The following CD302 variants were observed in gnomAD, a reference collection of about 807,000 sequenced individuals.
The protein encoded by CD302 is CD302 molecule.
A neutral mutation model predicts 26.5 loss-of-function variants in CD302; 23 were observed. The observed-to-expected ratio is 0.87, with a 90% CI of 0.62 to 1.23. The LOEUF is 1.23. Among genes scored for constraint, CD302 ranks in the 50% most tolerant of loss-of-function variants. The probability of loss-of-function intolerance (pLI) is 0.00; values close to 1 mark genes in which losing one functional copy is unlikely to be tolerated. For missense variants in CD302, 290 were observed against 275.5 expected (o/e 1.05, Z -0.37); for synonymous variants, 90 against 99.4 (o/e 0.91, Z 0.56).
intron 5 of CD302, among the ~76,000 whole-genome samples, chr2:159,777,163 A>G (rs1708359843): frequency 6.6e-6 from 1 of 152,216 alleles, no homozygotes; most frequent in Non-Finnish European, 1.5e-5. Context: ...AGGTGGAAGT[A>G]TCGCTTGAGC....
In CD302 at chr2:159,768,942, A is replaced by C. The variant is rs1387945567; in HGVS notation, c.*2909T>G. ...GCACATAATTCTGTATAGTTTTGTT[A>C]TTAAATGCTAAATGACAGTGATAAC... On this transcript the variant is annotated 3_prime_UTR_variant, in exon 6 of 6. Transcript: ENST00000259053. 1 of 152,216 alleles carries C rather than the reference A, an allele frequency of 6.6e-6. No individual in the cohort carries two copies. The allele number at this position is 152,216 out of a possible 1,614,324, so 9.4% of individuals were successfully genotyped here. A position where few individuals can be genotyped will look rare whatever the true frequency, so the allele number is the denominator to read the frequency against.
At chr2:159,795,234 A>AAAAG (rs745329990) in intron 1 of CD302, among the ~76,000 whole-genome samples, 1 of 152,074 alleles carries the variant, frequency 6.6e-6, no homozygotes. Flanking sequence ...GAAAAAAAAA[A>AAAAG]AAAGAAAGAA....
At chr2:159,790,841 C>T (rs1454840168) in intron 1 of CD302, among the ~76,000 whole-genome samples, 4 of 151,924 alleles carry the variant, frequency 2.6e-5, no homozygotes, top group African/African-American at 7.3e-5. Context: ...ACAAATAACT[C>T]GACAATATAT....
intron 5 of CD302, among the ~76,000 whole-genome samples, chr2:159,777,320 G>C (rs553038923): frequency 1.3e-5 from 2 of 152,302 alleles, no homozygotes; most frequent in South Asian, 4.1e-4. Context: ...AAAGCCACAA[G>C]AAGATCACTA....
chr2:159,785,585 T>C (rs1236968464), intron 1 of CD302, among the ~76,000 whole-genome samples: 1 of 152,224 alleles, frequency 6.6e-6, no homozygotes, highest in Non-Finnish European at 1.5e-5. Context: ...AGACACTTGG[T>C]TGAAAGTCTG....
intron 1 of CD302, among the ~76,000 whole-genome samples, chr2:159,785,169 T>C (rs1183144501): frequency 6.6e-6 from 1 of 152,048 alleles, no homozygotes; most frequent in African/African-American, 2.4e-5. Flanking sequence ...AGAGACAAGG[T>C]CTTGCTATGT....
intron 1 of CD302, among the ~76,000 whole-genome samples, chr2:159,784,476 G>A (rs1410491971): frequency 6.8e-6 from 1 of 146,472 alleles, no homozygotes; most frequent in African/African-American, 2.5e-5. Flanking sequence ...CCACCTCAGC[G>A]TTCCGTGTAG....
chr2:159,771,219 TTCTC>T lies in CD302; in HGVS notation c.*628_*631del, dbSNP rs1413072393. 3 of 152,214 alleles carry T rather than the reference TTCTC, an allele frequency of 2.0e-5. No homozygotes were observed. Among genetic ancestry groups the T allele is most frequent in the Non-Finnish European group, 4.4e-5 (3 of 68,056 alleles). 9.4% of individuals were successfully genotyped at this position (152,214 alleles called of 1,614,324 possible). On this transcript the variant is annotated 3_prime_UTR_variant, in exon 6 of 6. Transcript: ENST00000259053. ...GTAAGTGTTAACCTAATTGCCAGCT[TTCTC>T]TATGCCATCCTGGACACAGCGATCA...
At chr2:159,790,377 G>GAA (rs750802635) in intron 1 of CD302, among the ~76,000 whole-genome samples, 3 of 149,164 alleles carry the variant, frequency 2.0e-5, no homozygotes, top group Non-Finnish European at 4.5e-5. Flanking sequence ...AAAGGAAAAA[G>GAA]AAAAAAAAAA....
chr2:159,792,114 C>A (rs1439359518), intron 1 of CD302, among the ~76,000 whole-genome samples: 1 of 152,094 alleles, frequency 6.6e-6, no homozygotes, highest in African/African-American at 2.4e-5. Context: ...AGGGCTGCAG[C>A]CATCTAAACA....
At chr2:159,794,522 AT>A (rs67997603) in intron 1 of CD302, among the ~76,000 whole-genome samples, 130,041 of 148,260 alleles carry the variant, frequency 0.88, 56,503 homozygotes, top group Middle Eastern at 0.95. Context: ...AAATTAATTA[AT>A]TTATTTATTT....
intron 3 of CD302, among the ~76,000 whole-genome samples, chr2:159,780,521 T>C (rs113204764): frequency 5.5e-4 from 84 of 152,394 alleles, no homozygotes; most frequent in African/African-American, 1.8e-3. Flanking sequence ...TTTGTACATA[T>C]GTACTTTGTC....
chr2:159,777,576 A>C (rs1270854874), intron 5 of CD302, among the ~76,000 whole-genome samples: 1 of 152,246 alleles, frequency 6.6e-6, no homozygotes, highest in Non-Finnish European at 1.5e-5. Context: ...GTTCATAGGC[A>C]GTTCTATTCA....
intron 1 of CD302, among the ~76,000 whole-genome samples, chr2:159,787,175 C>T (rs184730509): frequency 6.6e-6 from 1 of 152,212 alleles, no homozygotes; most frequent in African/African-American, 2.4e-5. Flanking sequence ...CTGGGGCCAT[C>T]GAGTATGCAT....
intron 4 of CD302, 125 bp downstream of exon 4, chr2:159,779,880 G>A (rs1241070342): frequency 7.9e-6 from 9 of 1,138,406 alleles, no homozygotes; most frequent in Non-Finnish European, 1.1e-5. Flanking sequence ...TGGGATTGCA[G>A]GCGTGAGCCA....
Position 159,783,381 on chromosome 2 carries a change from G to A in CD302, c.156C>T (p.Val52=). ...TACCATGGTCAGTACACTGATTTCT[G>A]ACATCCTCTATGCTTTCTACTTTGA... ...EAIKVESIED[V]RNQCTDHGAD... Residue 52 remains valine, a synonymous_variant, in exon 2 of 6, where the codon GTC becomes GTT. Transcript: ENST00000259053. 1 of 1,607,782 alleles carries A rather than the reference G, an allele frequency of 6.2e-7. No individual in the cohort carries two copies. The highest frequency in any genetic ancestry group is 8.5e-7 in the Non-Finnish European group (1 of 1,178,426).
chr2:159,779,027 C>A (rs533765460), intron 4 of CD302, among the ~76,000 whole-genome samples: 1 of 151,624 alleles, frequency 6.6e-6, no homozygotes, highest in African/African-American at 2.4e-5. Flanking sequence ...GTCAGGAGTT[C>A]GAGACCAGCC....
At chr2:159,784,150 G>T (rs572541961) in intron 1 of CD302, among the ~76,000 whole-genome samples, 54 of 152,006 alleles carry the variant, frequency 3.6e-4, no homozygotes, top group Middle Eastern at 6.8e-3. Context: ...GAATTTAATT[G>T]GTTAGTATTA....
rs146376433 is a variant in CD302, at chr2:159,785,400, A to G, written c.68-1931T>C. 2.4e-3 allele frequency among the ~76,000 whole-genome samples: 371 copies of G among 152,338 alleles called. 2 individuals carry two copies. The highest frequency in any genetic ancestry group is 6.8e-3 in the Middle Eastern group (2 of 294). ...AGAACTCTCCCACAATGCTGGCTTA[A>G]AGATACGGTTGTTTTGCAACAAGCA... On this transcript the variant is annotated intron_variant, in intron 1 of 5. Coordinates refer to ENST00000259053, the MANE Select transcript of CD302 (RefSeq NM_014880.5).
Sources: gnomAD v4.1 joint callset for allele counts (sites outside exome capture counted in the v4.1 genomes callset) on GRCh38, gnomAD v4.1.1 for gene constraint, MANE v1.5 for transcripts, NCBI Gene and HGNC (gene_info 2026-07-23, HGNC 2026-07-21) for gene names.